FNIP2: variants seen among roughly 807,000 people sequenced by gnomAD.
The protein encoded by FNIP2 is folliculin interacting protein 2, also known as folliculin-interacting protein 2.
Under a neutral mutation model 108.7 loss-of-function variants are expected in FNIP2, and 32 were observed. The ratio of observed to expected loss-of-function variants is 0.29; its 90% CI spans 0.22 to 0.40. The LOEUF (loss-of-function observed/expected upper bound fraction) is 0.40, where lower values mean the gene tolerates loss of function less well. Among genes scored for constraint, FNIP2 ranks in the 10% least tolerant of loss-of-function variants. The probability of loss-of-function intolerance (pLI) is 1.00; values close to 1 mark genes in which losing one functional copy is unlikely to be tolerated. For missense variants in FNIP2, 1,202 were observed against 1,381.6 expected, an observed-to-expected ratio of 0.87 and a Z score of 2.06; for synonymous variants, 480 against 496.7, an observed-to-expected ratio of 0.97 and a Z score of 0.45.
intron 14 of FNIP2, among the ~76,000 whole-genome samples, chr4:158,888,378 C>T (rs1171694859): frequency 3.9e-5 from 6 of 152,276 alleles, no homozygotes; most frequent in South Asian, 2.1e-4. Context: ...AGATGCTCAT[C>T]GACTCTTGTC....
Position 158,904,767 on chromosome 4 carries a change from T to G in FNIP2, c.*223T>G. 2 of 515,710 alleles carry G rather than the reference T, an allele frequency of 3.9e-6. No homozygotes were observed. Among genetic ancestry groups the G allele is most frequent in the Non-Finnish European group, 7.0e-6 (2 of 286,452 alleles). 31.9% of individuals were successfully genotyped at this position (515,710 alleles called of 1,614,324 possible). ...TGATTGTCGTGAACACTTTAGGCCA[T>G]TTGTTACCCATGAATCAACAAAGAA... On this transcript the variant is annotated 3_prime_UTR_variant, in exon 17 of 17. Coordinates refer to ENST00000264433, the MANE Select transcript of FNIP2 (RefSeq NM_020840.3).
intron 1 of FNIP2, among the ~76,000 whole-genome samples, chr4:158,798,308 C>T (rs1333319201): frequency 6.6e-6 from 1 of 152,168 alleles, no homozygotes; most frequent in Non-Finnish European, 1.5e-5. Flanking sequence ...AAGTGATCCT[C>T]CCACCTCGGC....
intron 10 of FNIP2, among the ~76,000 whole-genome samples, chr4:158,860,164 T>C (rs538548411): frequency 6.6e-6 from 1 of 152,224 alleles, no homozygotes; most frequent in South Asian, 2.1e-4. Context: ...TGTGGAAAGG[T>C]AAATTGTGTT....
intron 1 of FNIP2, among the ~76,000 whole-genome samples, chr4:158,812,393 G>C (rs1403268368): frequency 6.6e-6 from 1 of 151,952 alleles, no homozygotes; most frequent in Non-Finnish European, 1.5e-5. Flanking sequence ...TGCTGAACAG[G>C]GACAGACTTG....
intron 16 of FNIP2, among the ~76,000 whole-genome samples, chr4:158,898,399 A>T (rs560391319): frequency 6.6e-6 from 1 of 152,256 alleles, no homozygotes; most frequent in South Asian, 2.1e-4. Flanking sequence ...CTTGATGGGG[A>T]TAGCATTGCA....
At chr4:158,883,087 TAAATA>T (rs963185825) in intron 14 of FNIP2, among the ~76,000 whole-genome samples, 4 of 150,188 alleles carry the variant, frequency 2.7e-5, no homozygotes, top group African/African-American at 9.8e-5. Context: ...ATAAAATAAA[TAAATA>T]AAATCAAGCT....
chr4:158,880,748 C>T (rs565462641), intron 14 of FNIP2, among the ~76,000 whole-genome samples: 6 of 152,218 alleles, frequency 3.9e-5, no homozygotes, highest in Admixed American at 3.3e-4. Context: ...ATTCACACAC[C>T]TCTGCAGTCC....
intron 2 of FNIP2, 65 bp from the exon 3 acceptor site, chr4:158,829,014 G>C: frequency 7.6e-7 from 1 of 1,312,528 alleles, no homozygotes; most frequent in Non-Finnish European, 1.0e-6. Flanking sequence ...AATTCCCAAT[G>C]AAGAACTGTT....
At position 158,904,890 on chromosome 4, in the gene FNIP2, G is replaced by A. The variant is rs932882466; in HGVS notation, c.*346G>A. 3.9e-5 allele frequency: 9 copies of A among 228,546 alleles called. No homozygotes were observed. Among genetic ancestry groups the A allele is most frequent in the African/African-American group, 1.8e-4 (8 of 45,070 alleles). The allele number at this position is 228,546 out of a possible 1,614,324, so 14.2% of individuals were successfully genotyped here. On this transcript the variant is annotated 3_prime_UTR_variant, in exon 17 of 17. Coordinates refer to ENST00000264433, the MANE Select transcript of FNIP2 (RefSeq NM_020840.3). ...TGGGCAGAATAAAGACAAGTGACTT[G>A]AGCGGGGTGGTCAGCAGTGTACATA... is the stretch of plus-strand genomic sequence containing the variant.
At chr4:158,878,647 A>C (rs1244724429) in intron 14 of FNIP2, among the ~76,000 whole-genome samples, 1 of 152,216 alleles carries the variant, frequency 6.6e-6, no homozygotes, top group Non-Finnish European at 1.5e-5. Context: ...AGCTCCAGTA[A>C]GATAGGCCCA....
chr4:158,845,394 G>C (rs1290021970), intron 7 of FNIP2, among the ~76,000 whole-genome samples: 1 of 152,174 alleles, frequency 6.6e-6, no homozygotes, highest in Non-Finnish European at 1.5e-5. Context: ...AACTAGGGGA[G>C]AGCCCATGTT....
intron 1 of FNIP2, among the ~76,000 whole-genome samples, chr4:158,784,061 T>C (rs1776137549): frequency 6.6e-6 from 1 of 152,160 alleles, no homozygotes; most frequent in South Asian, 2.1e-4. Flanking sequence ...GGTAGCATAA[T>C]TAGTGGAAAT....
At chr4:158,903,327 A>G (rs566868423) in intron 16 of FNIP2, among the ~76,000 whole-genome samples, 18 of 152,142 alleles carry the variant, frequency 1.2e-4, no homozygotes, top group African/African-American at 2.4e-4. Context: ...GCCACTCCCA[A>G]TGAGATGAGC....
rs1220540343 is a variant in FNIP2 at position 158,901,207 on chromosome 4, A to G, written c.3267-3259A>G. ...GAGTGCAGTGGCGTGATCTTAGCTC[A>G]CTGCAACCTCCGCCCCTCCAGGTTT... On this transcript the variant is annotated intron_variant, in intron 16 of 16. Coordinates refer to ENST00000264433, the MANE Select transcript of FNIP2 (RefSeq NM_020840.3). 5.1e-5 allele frequency among the ~76,000 whole-genome samples: 7 copies of G among 137,740 alleles called. No homozygotes were observed. The East Asian group carries it at 1.2e-3, about 24-fold the overall frequency. 90.4% of individuals were successfully genotyped at this position (137,740 alleles called of 152,430 possible). A position where few individuals can be genotyped will look rare whatever the true frequency, so the allele number is the denominator to read the frequency against.
chr4:158,850,338 G>T (rs1289878038), intron 7 of FNIP2, among the ~76,000 whole-genome samples: 1 of 151,980 alleles, frequency 6.6e-6, no homozygotes, highest in Admixed American at 6.6e-5. Context: ...CCTTAGGGAA[G>T]TAAAAGCAGA....
chr4:158,772,598 T>C (rs1775732022), intron 1 of FNIP2, among the ~76,000 whole-genome samples: 1 of 152,204 alleles, frequency 6.6e-6, no homozygotes, highest in South Asian at 2.1e-4. Flanking sequence ...TAGCTAGCTG[T>C]GTGAATGCCA....
chr4:158,896,452 A>C (rs1400340242), intron 16 of FNIP2, among the ~76,000 whole-genome samples: 1 of 152,170 alleles, frequency 6.6e-6, no homozygotes, highest in East Asian at 1.9e-4. Flanking sequence ...CTTCTGTTTT[A>C]CTGTCAGCTT....
intron 16 of FNIP2, among the ~76,000 whole-genome samples, chr4:158,901,192 G>A (rs989630251): frequency 3.5e-5 from 5 of 144,390 alleles, no homozygotes; most frequent in African/African-American, 1.3e-4. Flanking sequence ...GAGTGCAGTG[G>A]CGTGATCTTA....
chr4:158,809,214 T>G (rs1777135669), intron 1 of FNIP2, among the ~76,000 whole-genome samples: 1 of 152,202 alleles, frequency 6.6e-6, no homozygotes, highest in Middle Eastern at 3.2e-3. Flanking sequence ...ATCCCAGCAC[T>G]TTGGGAGGCT....
Sources: gnomAD v4.1 joint callset for allele counts (sites outside exome capture counted in the v4.1 genomes callset) on GRCh38, gnomAD v4.1.1 for gene constraint, MANE v1.5 for transcripts, NCBI Gene and HGNC (gene_info 2026-07-23, HGNC 2026-07-21) for gene names.